Variants in TUT1 observed in about 807,000 individuals in gnomAD.
TUT1 encodes speckle targeted PIP5K1A-regulated poly(A) polymerase.
Under a neutral mutation model 48.8 loss-of-function variants are expected in TUT1, and 26 were observed. The observed-to-expected ratio is 0.53, with a 90% CI of 0.39 to 0.74. The LOEUF (loss-of-function observed/expected upper bound fraction) is 0.74, where lower values mean the gene tolerates loss of function less well. Among genes scored for constraint, TUT1 ranks in the 30% least tolerant of loss-of-function variants. The pLI is 0.00. For missense variants in TUT1, 1,065 were observed against 1,114.8 expected (o/e 0.96, Z 0.64); for synonymous variants, 470 against 460.8 (o/e 1.02, Z -0.26).
Position 62,576,145 on chromosome 11 carries a change from C to T in TUT1, c.1574G>A (p.Gly525Asp). 6.2e-7 allele frequency: 1 copy of T among 1,613,950 alleles called. No homozygotes were observed. Among genetic ancestry groups the T allele is most frequent in the South Asian group, 1.1e-5 (1 of 91,072 alleles). ...ACCCTCCCAGAGATTAGAAGGCAGG[C>T]CCCCTGCCACAGGCAGTGCCTGACC... ...REGQALPVAG[G>D]LPSNLWEGLR... is the part of the protein sequence containing the mutation. Residue 525 changes from glycine (G) to aspartate (D), a missense_variant, in exon 9 of 9, where the codon GGC becomes GAC. Gly to Asp is a moderately conservative substitution (Grantham distance 94). Transcript: ENST00000476907.
intron 1 of TUT1, among the ~76,000 whole-genome samples, chr11:62,589,912 A>C (rs146337021): frequency 1.8e-4 from 27 of 152,350 alleles, no homozygotes; most frequent in African/African-American, 6.0e-4. Flanking sequence ...ACTGTGCATC[A>C]ACTTCCTCAG....
chr11:62,582,041 G>A (rs780603506), intron 2 of TUT1, among the ~76,000 whole-genome samples: 24 of 151,918 alleles, frequency 1.6e-4, no homozygotes, highest in Non-Finnish European at 2.9e-4. Flanking sequence ...GGAGTGCAGC[G>A]GGGTGATCTC....
rs548671315 is a variant in TUT1 at position 62,588,844 on chromosome 11, G to A, written c.273+187C>T. On this transcript the variant is annotated intron_variant, in intron 2 of 8. Coordinates refer to ENST00000476907, the MANE Select transcript of TUT1 (RefSeq NM_022830.3). ...CAAGTAGCTGGGACTACAGGCATGC[G>A]CCATCACACCCAGCTAATTTTTTAT... Among the ~76,000 whole-genome samples the A allele has an allele frequency of 5.9e-5, 9 of 152,292 alleles. No homozygotes were observed. The South Asian group carries it at 1.9e-3, about 32-fold the overall frequency.
intron 1 of TUT1, 23 bp downstream of exon 1, chr11:62,591,381 G>A (rs1294991504): frequency 6.5e-7 from 1 of 1,537,890 alleles, no homozygotes; most frequent in Non-Finnish European, 8.8e-7. Context: ...CCACCCCCGG[G>A]TCCCTCACTA....
In TUT1 at chr11:62,589,539, G is replaced by A. The variant is rs550224245; in HGVS notation, c.83-318C>T. On this transcript the variant is annotated intron_variant, in intron 1 of 8. Transcript: ENST00000476907. ...CTGCCTCAGCCTCGTGAGTAGGTGG[G>A]ACTACAGGCGTGTGTCACCACACCC... 2.0e-5 allele frequency among the ~76,000 whole-genome samples: 3 copies of A among 152,294 alleles called. No individual in the cohort carries two copies. The South Asian group carries it at 6.2e-4, about 32-fold the overall frequency.
rs777656024 is a variant in TUT1, at chr11:62,576,046, C to A, written c.1673G>T (p.Arg558Leu). Reference protein sequence around the residue: ...SHNVAANVTSRVAGRLQNCCR... With the variant: ...SHNVAANVTSLVAGRLQNCCR... ...GCAGTTCTGTAGGCGCCCAGCCACC[C>A]GGCTGGTCACATTGGCTGCGACATT... The change falls in exon 9 of 9, where the codon CGG (arginine) becomes CTG (leucine). Residue 558 changes from arginine (R) to leucine (L), a missense_variant. By Grantham distance (102) the Arg-to-Leu change is moderately radical (BLOSUM62 -2). Transcript: ENST00000476907. 1.9e-6 allele frequency: 3 copies of A among 1,613,838 alleles called. No homozygotes were observed. The Admixed American group carries it at 5.0e-5, about 27-fold the overall frequency.
intron 2 of TUT1, among the ~76,000 whole-genome samples, chr11:62,586,746 T>C (rs930184322): frequency 6.6e-6 from 1 of 151,560 alleles, no homozygotes; most frequent in Non-Finnish European, 1.5e-5. Context: ...TGAAACCTGG[T>C]CTCTACTAAA....
Position 62,579,096 on chromosome 11 carries a change from A to G in TUT1, c.691-66T>C, listed in dbSNP as rs367648102. ...CCCTAAGCAGGGATCTCTCAAGATA[A>G]TATTACTTCCAGCTTATTCAGCTCT... On this transcript the variant is annotated intron_variant, in intron 4 of 8. Transcript: ENST00000476907. The G allele has an allele frequency of 5.7e-5, 70 of 1,236,906 alleles. No individual in the cohort carries two copies. In the East Asian group the frequency reaches 8.0e-4, roughly 14 times the overall value. 76.6% of individuals were successfully genotyped at this position (1,236,906 alleles called of 1,614,324 possible). A position where few individuals can be genotyped will look rare whatever the true frequency, so the allele number is the denominator to read the frequency against.
At position 62,577,068 on chromosome 11, in the gene TUT1, C is replaced by T. The variant is rs781023383; in HGVS notation, c.1271-51G>A. 3 of 1,596,626 alleles carry T rather than the reference C, an allele frequency of 1.9e-6. No homozygotes were observed. The East Asian group carries it at 6.7e-5, about 36-fold the overall frequency. ...TTAGATCAGAGGTGCTTCTAATCCC[C>T]TCACTGGCAGTTTTCTCAACCCCGG... On this transcript the variant is annotated intron_variant, in intron 6 of 8. Transcript: ENST00000476907.
rs530809308 is a variant in TUT1, at chr11:62,585,468, C to T, written c.273+3563G>A. ...GAAATTAAGAGTCTCTTTCACTGGGCCTGTCTGTGCTCCTATTTTTCTCCA... is the reference window on the plus strand; with the variant it reads ...GAAATTAAGAGTCTCTTTCACTGGGTCTGTCTGTGCTCCTATTTTTCTCCA... On this transcript the variant is annotated intron_variant, in intron 2 of 8. Transcript: ENST00000476907. Among the ~76,000 whole-genome samples the T allele has an allele frequency of 2.6e-5, 4 of 152,302 alleles. No individual in the cohort carries two copies. In the South Asian group the frequency reaches 8.3e-4, roughly 32 times the overall value.
intron 2 of TUT1, chr11:62,582,576 T>A (rs777947857): frequency 4.4e-6 from 2 of 455,286 alleles, no homozygotes; most frequent in Non-Finnish European, 8.8e-6. Flanking sequence ...CACACCAGCC[T>A]GAGAGACAGC....
At chr11:62,591,248 T>A in intron 1 of TUT1, 156 bp downstream of exon 1, 1 of 962,900 alleles carries the variant, frequency 1.0e-6, no homozygotes, top group South Asian at 4.8e-5. Flanking sequence ...TTCCCGACTC[T>A]CCAAATCCCC....
At position 62,589,070 on chromosome 11, in the gene TUT1, TG is replaced by T; in HGVS notation, c.233del (p.Ala78AspfsTer76). On this transcript the variant is annotated frameshift_variant, in exon 2 of 9. Transcript: ENST00000476907. LOFTEE classifies it high-confidence loss of function. ...DSAQLSEYFL[A>X]FGPVASVVMD... Reference sequence around the variant, plus strand: ...TGACAACACTGGCCACAGGTCCAAATGCTAGGAAGTACTCAGAGAGCTGAGC... The same window carrying T: ...TGACAACACTGGCCACAGGTCCAAATCTAGGAAGTACTCAGAGAGCTGAGC... 1 of 1,613,986 alleles carries T rather than the reference TG, an allele frequency of 6.2e-7. No individual in the cohort carries two copies.
Position 62,575,214 on chromosome 11 carries a change from A to C in TUT1, c.2505T>G (p.Ser835=), listed in dbSNP as rs143498027. The change falls in exon 9 of 9, where the codon TCT becomes TCG. Residue 835 remains serine (S), a synonymous_variant. Transcript: ENST00000476907. ...TGAGCATTCGGTCAGCCGGGGAGAC[A>C]GACGCCACAAAGCTCAGCAGGGGCT... ...ETEPLLSFVA[S]VSPADRMLTV... The C allele has an allele frequency of 3.5e-5, 57 of 1,613,236 alleles. No individual in the cohort carries two copies. The highest frequency in any genetic ancestry group is 1.6e-4 in the Middle Eastern group (1 of 6,080).
intron 4 of TUT1, 65 bp from the exon 5 acceptor site, chr11:62,579,095 A>G: frequency 1.6e-6 from 2 of 1,246,114 alleles, no homozygotes; most frequent in East Asian, 2.6e-5. Context: ...CTCTCAAGAT[A>G]ATATTACTTC....
chr11:62,576,355 C>T (rs1303669148), intron 8 of TUT1, 111 bp from the exon 9 acceptor site: 2 of 1,322,648 alleles, frequency 1.5e-6, no homozygotes, highest in South Asian at 1.6e-5. Flanking sequence ...CCAAGGGGCT[C>T]AGCAGAGTCC....
Position 62,575,116 on chromosome 11 carries a change from T to G in TUT1, c.2603A>C (p.Gln868Pro). The G allele has an allele frequency of 6.4e-7, 1 of 1,571,596 alleles. No homozygotes were observed. The highest frequency in any genetic ancestry group is 8.6e-7 in the Non-Finnish European group (1 of 1,156,960). Residue 868 changes from glutamine (Q) to proline (P), a missense_variant, in exon 9 of 9, where the codon CAA (glutamine) becomes CCA (proline). Transcript: ENST00000476907. ...TCTTCACTTGAGATGTCGAATTGCT[T>G]GAGGGAGGAAAACCTGTAAGAAATG... is the stretch of plus-strand genomic sequence containing the variant. ...LHHFLQVFLP[Q>P]AIRHLK
Position 62,575,302 on chromosome 11 carries a change from GTC to G in TUT1, c.2415_2416del (p.Thr806Ter). 1 of 1,614,170 alleles carries G rather than the reference GTC, an allele frequency of 6.2e-7. No individual in the cohort carries two copies. The highest frequency in any genetic ancestry group is 1.3e-5 in the African/African-American group (1 of 75,044). Reference sequence around the variant, plus strand: ...CAGCTCCTGGGTGACCTGAGCCTCAGTCGCCAGCCACCCTGCTCTTGTGCCAG... The same window carrying G: ...CAGCTCCTGGGTGACCTGAGCCTCAGGCCAGCCACCCTGCTCTTGTGCCAG... On this transcript the variant is annotated frameshift_variant, in exon 9 of 9. Coordinates refer to ENST00000476907, the MANE Select transcript of TUT1 (RefSeq NM_022830.3). LOFTEE classifies it low-confidence loss of function (END_TRUNC).
At chr11:62,584,346 T>G (rs1369850630) in intron 2 of TUT1, among the ~76,000 whole-genome samples, 1 of 152,078 alleles carries the variant, frequency 6.6e-6, no homozygotes, top group Non-Finnish European at 1.5e-5. Context: ...CAGGCTGGTC[T>G]CAAACTCCTG....
Sources: gnomAD v4.1 joint callset for allele counts (sites outside exome capture counted in the v4.1 genomes callset) on GRCh38, gnomAD v4.1.1 for gene constraint, MANE v1.5 for transcripts, NCBI Gene and HGNC (gene_info 2026-07-23, HGNC 2026-07-21) for gene names.